The following GRIN2A variants were observed in gnomAD, a reference collection of about 807,000 sequenced individuals.
The protein encoded by GRIN2A is glutamate ionotropic receptor NMDA type subunit 2A.
In GRIN2A, 22 loss-of-function variants were observed where a neutral mutation model predicts 113.4. The observed-to-expected ratio is 0.19, with a 90% CI of 0.14 to 0.28. The LOEUF (loss-of-function observed/expected upper bound fraction) is 0.28. Ranked by LOEUF, GRIN2A falls within the 10% of genes least tolerant of loss-of-function variation. GRIN2A has a pLI of 1.00. For synonymous variants in GRIN2A, 827 were observed against 738.4 expected (o/e 1.12, Z -1.94); for missense variants, 1,502 against 1,887.0 (o/e 0.80, Z 3.78).
At chr16:10,082,808 A>T (rs1382363725) in intron 2 of GRIN2A, among the ~76,000 whole-genome samples, 2 of 152,254 alleles carry the variant, frequency 1.3e-5, no homozygotes, top group African/African-American at 4.8e-5. Flanking sequence ...TAATACCTAC[A>T]GCAGTCAAGA....
chr16:9,967,435 G>A (rs1051992375), intron 2 of GRIN2A, among the ~76,000 whole-genome samples: 1 of 152,246 alleles, frequency 6.6e-6, no homozygotes, highest in African/African-American at 2.4e-5. Flanking sequence ...GCCGGGCACA[G>A]TGACTCACGC....
chr16:9,821,882 C>A (rs1402853285), intron 10 of GRIN2A, among the ~76,000 whole-genome samples: 1 of 152,190 alleles, frequency 6.6e-6, no homozygotes, highest in East Asian at 1.9e-4. Flanking sequence ...CAAGCTACTC[C>A]TCCCCACACT....
rs377155941 is a variant in GRIN2A, at chr16:9,834,062, A to G, written c.1777+43T>C. On this transcript the variant is annotated intron_variant, in intron 8 of 12. Coordinates refer to ENST00000330684, the MANE Select transcript of GRIN2A (RefSeq NM_001134407.3). ...CTGAAATTTTCATTAAAGGTAAATG[A>G]AATTGCAACAACATTGAATCATGCT... 19 of 1,600,394 alleles carry G rather than the reference A, an allele frequency of 1.2e-5. No homozygotes were observed. In the African/African-American group the frequency reaches 2.1e-4, roughly 18 times the overall value.
At chr16:10,010,710 G>A (rs1301562636) in intron 2 of GRIN2A, among the ~76,000 whole-genome samples, 2 of 152,126 alleles carry the variant, frequency 1.3e-5, no homozygotes, top group African/African-American at 2.4e-5. Context: ...GAGGAGAGGA[G>A]AGGCTACTGA....
At chr16:10,100,588 C>T (rs1304378864) in intron 2 of GRIN2A, among the ~76,000 whole-genome samples, 4 of 152,184 alleles carry the variant, frequency 2.6e-5, no homozygotes, top group Admixed American at 6.5e-5. Context: ...AAACGATAGT[C>T]GTTGTTATAG....
intron 2 of GRIN2A, among the ~76,000 whole-genome samples, chr16:9,975,169 A>G (rs955683667): frequency 6.6e-6 from 1 of 152,230 alleles, no homozygotes; most frequent in Non-Finnish European, 1.5e-5. Context: ...AAGTTAAAAC[A>G]AAGTGTGTAA....
At chr16:10,114,610 A>G (rs1374249263) in intron 2 of GRIN2A, among the ~76,000 whole-genome samples, 2 of 152,220 alleles carry the variant, frequency 1.3e-5, no homozygotes, top group African/African-American at 2.4e-5. Flanking sequence ...TGGGTAGCTA[A>G]GAACACTGCC....
At chr16:9,864,459 G>A (rs1230516125) in intron 4 of GRIN2A, among the ~76,000 whole-genome samples, 4 of 152,018 alleles carry the variant, frequency 2.6e-5, no homozygotes, top group African/African-American at 9.7e-5. Flanking sequence ...ACCTTGAAAA[G>A]TGGTAAAATG....
chr16:10,170,740 C>T (rs1195169982), intron 2 of GRIN2A, among the ~76,000 whole-genome samples: 1 of 152,044 alleles, frequency 6.6e-6, no homozygotes, highest in Admixed American at 6.5e-5. Context: ...AGCCGGATAT[C>T]ATGGCACACG....
intron 3 of GRIN2A, among the ~76,000 whole-genome samples, chr16:9,912,202 A>G (rs2044155795): frequency 6.6e-6 from 1 of 152,090 alleles, no homozygotes. Flanking sequence ...GATGTTGGTA[A>G]TTATGGCAAT....
chr16:10,171,269 T>C (rs751283607), intron 2 of GRIN2A, among the ~76,000 whole-genome samples: 1 of 152,324 alleles, frequency 6.6e-6, no homozygotes, highest in South Asian at 2.1e-4. Flanking sequence ...TATTTCCTCA[T>C]CTGAAAATAG....
chr16:10,179,893 C>CCAAA, intron 2 of GRIN2A, 105 bp downstream of exon 2: 2 of 719,816 alleles, frequency 2.8e-6, no homozygotes, highest in Non-Finnish European at 2.4e-6. Flanking sequence ...CCCCCACCCC[C>CCAAA]ACTTCACATC....
chr16:9,758,560 C>T lies in GRIN2A; in HGVS notation c.*4589G>A, dbSNP rs777203129. Reference sequence around the variant, plus strand: ...CATTTAATTTTTAACATAAACTTTACAATATGTACAATTTTATTTGGATAA... The same window carrying T: ...CATTTAATTTTTAACATAAACTTTATAATATGTACAATTTTATTTGGATAA... On this transcript the variant is annotated 3_prime_UTR_variant, in exon 13 of 13. Coordinates refer to ENST00000330684, the MANE Select transcript of GRIN2A (RefSeq NM_001134407.3). 1 of 209,000 alleles carries T rather than the reference C, an allele frequency of 4.8e-6. No homozygotes were observed. Among genetic ancestry groups the T allele is most frequent in the Non-Finnish European group, 9.7e-6 (1 of 102,698 alleles). 12.9% of individuals were successfully genotyped at this position (209,000 alleles called of 1,614,324 possible).
chr16:10,070,667 T>G (rs564786960), intron 2 of GRIN2A, among the ~76,000 whole-genome samples: 79 of 152,290 alleles, frequency 5.2e-4, no homozygotes, highest in African/African-American at 1.9e-3. Context: ...ATTTTCCAGA[T>G]GATAAGTTTT....
chr16:10,101,064 G>C (rs2048385213), intron 2 of GRIN2A, among the ~76,000 whole-genome samples: 1 of 152,218 alleles, frequency 6.6e-6, no homozygotes, highest in Admixed American at 6.5e-5. Context: ...TGCCAGAGCA[G>C]TCCTCAGCCA....
chr16:10,089,181 G>A (rs192055567), intron 2 of GRIN2A, among the ~76,000 whole-genome samples: 1 of 152,278 alleles, frequency 6.6e-6, no homozygotes, highest in African/African-American at 2.4e-5. Context: ...GTAATCAATA[G>A]GGACAAAACG....
rs1262132367 is a variant in GRIN2A, at chr16:9,753,512, G to A, written c.*9637C>T. On this transcript the variant is annotated 3_prime_UTR_variant, in exon 13 of 13. Coordinates refer to ENST00000330684, the MANE Select transcript of GRIN2A (RefSeq NM_001134407.3). ...ACCGGGCACTTCTGTTGCCTCAGGA[G>A]TTATATACATATCAGTTTGCACACG... 1 of 203,542 alleles carries A rather than the reference G, an allele frequency of 4.9e-6. No homozygotes were observed. Among genetic ancestry groups the A allele is most frequent in the Non-Finnish European group, 1.0e-5 (1 of 99,314 alleles). The allele number at this position is 203,542 out of a possible 1,614,324, so 12.6% of individuals were successfully genotyped here.
chr16:10,151,462 G>A (rs2049570170), intron 2 of GRIN2A, among the ~76,000 whole-genome samples: 1 of 152,160 alleles, frequency 6.6e-6, no homozygotes, highest in South Asian at 2.1e-4. Flanking sequence ...AAAATCAAAT[G>A]TTCCTTCAAG....
intron 2 of GRIN2A, among the ~76,000 whole-genome samples, chr16:10,156,045 C>G (rs769858336): frequency 2.0e-5 from 3 of 152,148 alleles, no homozygotes; most frequent in Non-Finnish European, 4.4e-5. Context: ...TAGGAGGGAC[C>G]CTGGACGATG....
Sources: allele counts gnomAD v4.1 joint callset (sites outside exome capture counted in the v4.1 genomes callset), GRCh38; gene constraint gnomAD v4.1.1; transcripts MANE v1.5; gene names NCBI Gene and HGNC (gene_info 2026-07-23, HGNC 2026-07-21).